FAM89A: variants seen among roughly 807,000 people sequenced by gnomAD.
FAM89A encodes protein FAM89A.
FAM89A carries 10 observed loss-of-function variants against 7.1 expected under a neutral mutation model. The ratio of observed to expected loss-of-function variants is 1.40; its 90% CI spans 0.86 to 2.38. FAM89A has a LOEUF of 2.38. FAM89A is among the 30% of genes most tolerant of loss of function. The pLI is 0.00. For missense variants in FAM89A, 276 were observed against 262.8 expected (o/e 1.05, Z -0.35); for synonymous variants, 157 against 129.3 (o/e 1.21, Z -1.45).
rs545371497 is a variant in FAM89A, at chr1:231,033,188, G to A, written c.291+6733C>T. ...CATCACTTCCAAACATTAGGAACAC[G>A]TGGGCAAAGGCCAAGGCGGCCAGGA... On this transcript the variant is annotated intron_variant, in intron 1 of 1. Coordinates refer to ENST00000366654, the MANE Select transcript of FAM89A (RefSeq NM_198552.3). Among the ~76,000 whole-genome samples, 7 of 152,322 alleles carry A rather than the reference G, an allele frequency of 4.6e-5. No homozygotes were observed. The East Asian group carries it at 1.4e-3, about 29-fold the overall frequency.
chr1:231,021,729 A>G, intron 1 of FAM89A: 1 of 1,600,032 alleles, frequency 6.2e-7, no homozygotes, highest in Non-Finnish European at 8.6e-7. Context: ...GAACTCGTGG[A>G]AACTGCTGGA....
At chr1:231,023,715 A>C (rs1679917543) in intron 1 of FAM89A, among the ~76,000 whole-genome samples, 1 of 152,200 alleles carries the variant, frequency 6.6e-6, no homozygotes, top group African/African-American at 2.4e-5. Context: ...AGTTTGAATG[A>C]AAATAATAAT....
At chr1:231,027,606 T>C (rs540534536) in intron 1 of FAM89A, among the ~76,000 whole-genome samples, 2 of 152,330 alleles carry the variant, frequency 1.3e-5, no homozygotes, top group Admixed American at 6.5e-5. Context: ...CCAGACTTCC[T>C]AGCCCGGGCC....
At chr1:231,028,576 C>T (rs1376246248) in intron 1 of FAM89A, 1 of 152,224 alleles carries the variant, frequency 6.6e-6, no homozygotes, top group Non-Finnish European at 1.5e-5. Flanking sequence ...TCTCCACATT[C>T]ACAGCTGGAT....
chr1:231,020,266 T>C lies in FAM89A; in HGVS notation c.292-140A>G, dbSNP rs367751280. 192 of 921,660 alleles carry C rather than the reference T, an allele frequency of 2.1e-4. 1 individual carries two copies. In the African/African-American group the frequency reaches 2.9e-3, roughly 14 times the overall value. 57.1% of individuals were successfully genotyped at this position (921,660 alleles called of 1,614,324 possible). ...TGATTCAGAGCATCACTCGGATGCT[T>C]TGGATTTCCAGTTTTGAGAACACCT... On this transcript the variant is annotated intron_variant, in intron 1 of 1. Transcript: ENST00000366654.
intron 1 of FAM89A, among the ~76,000 whole-genome samples, chr1:231,027,794 G>A (rs1679999399): frequency 6.6e-6 from 1 of 152,190 alleles, no homozygotes; most frequent in African/African-American, 2.4e-5. Flanking sequence ...CACTGCATCT[G>A]TGAATGCTCC....
chr1:231,037,406 T>A (rs1680174572), intron 1 of FAM89A, among the ~76,000 whole-genome samples: 1 of 152,186 alleles, frequency 6.6e-6, no homozygotes, highest in Non-Finnish European at 1.5e-5. Context: ...TTTGATCCCC[T>A]TTTCATCATC....
At chr1:231,038,562 T>C (rs1285619515) in intron 1 of FAM89A, among the ~76,000 whole-genome samples, 1 of 152,252 alleles carries the variant, frequency 6.6e-6, no homozygotes, top group Admixed American at 6.5e-5. Flanking sequence ...TCACCAGCTG[T>C]GTGATGCTTA....
intron 1 of FAM89A, chr1:231,026,273 C>A (rs934681050): frequency 1.3e-5 from 2 of 152,978 alleles, no homozygotes; most frequent in African/African-American, 4.8e-5. Context: ...GAGAAGGAAC[C>A]AGATGGTCAC....
rs1679831268 is a variant in FAM89A, at chr1:231,019,461, G to A, written c.*402C>T. 5.9e-6 allele frequency: 1 copy of A among 170,244 alleles called. No individual in the cohort carries two copies. Among genetic ancestry groups the A allele is most frequent in the Non-Finnish European group, 1.3e-5 (1 of 78,402 alleles). 10.5% of individuals were successfully genotyped at this position (170,244 alleles called of 1,614,324 possible). A position where few individuals can be genotyped will look rare whatever the true frequency, so the allele number is the denominator to read the frequency against. The stretch of plus-strand genomic sequence containing the variant: ...GGTGGTTTTAATACATCCCAAACTG[G>A]AAGCAAGAACCCTAACACAAAGAGG... On this transcript the variant is annotated 3_prime_UTR_variant, in exon 2 of 2. Transcript: ENST00000366654.
At chr1:231,030,984 C>T (rs1468785501) in intron 1 of FAM89A, among the ~76,000 whole-genome samples, 1 of 152,060 alleles carries the variant, frequency 6.6e-6, no homozygotes, top group African/African-American at 2.4e-5. Flanking sequence ...GTGGCATTTG[C>T]CTGTGGCCCC....
chr1:231,030,847 C>T (rs552540808), intron 1 of FAM89A, among the ~76,000 whole-genome samples: 6 of 152,306 alleles, frequency 3.9e-5, no homozygotes, highest in Admixed American at 3.9e-4. Flanking sequence ...AGGTGACTTA[C>T]ACCTGTAATT....
chr1:231,021,599 C>A (rs542319011), intron 1 of FAM89A: 2 of 1,444,272 alleles, frequency 1.4e-6, no homozygotes, highest in Non-Finnish European at 1.9e-6. Context: ...ACGAAAGGCA[C>A]CAAAGAGCAC....
chr1:231,025,208 C>G (rs1226784016), intron 1 of FAM89A, among the ~76,000 whole-genome samples: 1 of 152,160 alleles, frequency 6.6e-6, no homozygotes, highest in African/African-American at 2.4e-5. Flanking sequence ...AGGCGTGAGC[C>G]ACCGTGCCCG....
chr1:231,026,081 A>AAAC (rs1215927705), intron 1 of FAM89A: 2 of 154,404 alleles, frequency 1.3e-5, no homozygotes, highest in East Asian at 3.9e-4. Context: ...TAAAAAAAAA[A>AAAC]AAAAAAAATC....
In FAM89A at chr1:231,024,231, G is replaced by A. The variant is rs115865294; in HGVS notation, c.292-4105C>T. Among the ~76,000 whole-genome samples the A allele has an allele frequency of 5.2e-3, 779 of 150,786 alleles. 13 individuals are homozygous for A. Among genetic ancestry groups the A allele is most frequent in the African/African-American group, 0.018 (731 of 41,176 alleles). On this transcript the variant is annotated intron_variant, in intron 1 of 1. Coordinates refer to ENST00000366654, the MANE Select transcript of FAM89A (RefSeq NM_198552.3). ...AAAAAAAAAAGATGCATGGGTACGC[G>A]CATGTAGAAAAGCACACAGAAAGTG...
At chr1:231,021,162 G>A (rs140819186) in intron 1 of FAM89A, among the ~76,000 whole-genome samples, 9 of 152,356 alleles carry the variant, frequency 5.9e-5, no homozygotes, top group East Asian at 1.9e-4. Flanking sequence ...GAATGGCAAC[G>A]GGAAGAAACT....
intron 1 of FAM89A, among the ~76,000 whole-genome samples, chr1:231,028,899 C>G (rs1415503430): frequency 6.6e-6 from 1 of 152,186 alleles, no homozygotes; most frequent in Non-Finnish European, 1.5e-5. Flanking sequence ...CCAAACAAGC[C>G]CAAACCACCC....
intron 1 of FAM89A, among the ~76,000 whole-genome samples, chr1:231,024,249 A>G (rs139672476): frequency 1.6e-3 from 246 of 152,218 alleles, no homozygotes; most frequent in Admixed American, 3.9e-3. Flanking sequence ...AAAAGCACAC[A>G]GAAAGTGTCA....
Sources: gnomAD v4.1 joint callset for allele counts (sites outside exome capture counted in the v4.1 genomes callset) on GRCh38, gnomAD v4.1.1 for gene constraint, MANE v1.5 for transcripts, NCBI Gene and HGNC (gene_info 2026-07-23, HGNC 2026-07-21) for gene names.